Variants in NRG3 observed in about 807,000 individuals in gnomAD.
The protein encoded by NRG3 is pro-neuregulin-3, membrane-bound isoform.
NRG3 carries 31 observed loss-of-function variants against 66.9 expected under a neutral mutation model. That is an observed-to-expected ratio of 0.46 (90% CI 0.35 to 0.63). NRG3 has a LOEUF of 0.63. Among genes scored for constraint, NRG3 ranks in the 20% least tolerant of loss-of-function variants. NRG3 has a pLI of 0.00. For synonymous variants in NRG3, 393 were observed against 359.4 expected (o/e 1.09, Z -1.06); for missense variants, 910 against 878.9 (o/e 1.04, Z -0.45).
intron 1 of NRG3, among the ~76,000 whole-genome samples, chr10:82,223,838 A>G (rs993388235): frequency 1.3e-5 from 2 of 152,182 alleles, no homozygotes; most frequent in Non-Finnish European, 2.9e-5. Flanking sequence ...AAGGAAAAGG[A>G]ACCAGAATTC....
chr10:81,992,672 A>T (rs572853721), intron 1 of NRG3, among the ~76,000 whole-genome samples: 1 of 152,276 alleles, frequency 6.6e-6, no homozygotes, highest in South Asian at 2.1e-4. Context: ...CCTCTCCTTC[A>T]GAGGTCTCTC....
At chr10:82,737,379 A>G (rs2058205359) in intron 2 of NRG3, among the ~76,000 whole-genome samples, 1 of 152,226 alleles carries the variant, frequency 6.6e-6, no homozygotes, top group Non-Finnish European at 1.5e-5. Context: ...CCCTTGCAAT[A>G]GACCTTATTT....
At chr10:82,610,997 A>T (rs2048279136) in intron 2 of NRG3, among the ~76,000 whole-genome samples, 1 of 152,096 alleles carries the variant, frequency 6.6e-6, no homozygotes, top group Non-Finnish European at 1.5e-5. Context: ...CAAAATATAA[A>T]TATTTTAATG....
intron 5 of NRG3, among the ~76,000 whole-genome samples, chr10:82,956,195 T>A (rs1850032731): frequency 6.6e-6 from 1 of 151,950 alleles, no homozygotes; most frequent in Non-Finnish European, 1.5e-5. Context: ...AACTTACATC[T>A]CATTTCTTTC....
intron 2 of NRG3, among the ~76,000 whole-genome samples, chr10:82,479,841 G>A (rs1232801593): frequency 6.6e-6 from 1 of 151,598 alleles, no homozygotes; most frequent in African/African-American, 2.4e-5. Flanking sequence ...GGTGGTGGGC[G>A]CCTGCAGTCC....
At chr10:82,297,270 CATT>C (rs1322856826) in intron 1 of NRG3, among the ~76,000 whole-genome samples, 4 of 106,816 alleles carry the variant, frequency 3.7e-5, no homozygotes, top group Non-Finnish European at 7.3e-5. Flanking sequence ...TTTGATAAAA[CATT>C]TTTTTTTTTC....
intron 1 of NRG3, among the ~76,000 whole-genome samples, chr10:82,213,028 A>G (rs982397742): frequency 6.6e-6 from 1 of 152,266 alleles, no homozygotes; most frequent in East Asian, 1.9e-4. Context: ...CAGGAACAAG[A>G]AAGTTTTGGG....
chr10:81,900,229 T>C (rs1316272087), intron 1 of NRG3, among the ~76,000 whole-genome samples: 1 of 146,880 alleles, frequency 6.8e-6, no homozygotes, highest in Non-Finnish European at 1.5e-5. Context: ...ATTACAGGCA[T>C]GAGCCAATGC....
At chr10:82,430,349 C>T (rs1313298942) in intron 2 of NRG3, among the ~76,000 whole-genome samples, 1 of 152,088 alleles carries the variant, frequency 6.6e-6, no homozygotes, top group African/African-American at 2.4e-5. Flanking sequence ...GCTCTGCCTC[C>T]TGGGTTCACG....
At chr10:82,828,351 C>G (rs34131336) in intron 3 of NRG3, among the ~76,000 whole-genome samples, 1 of 152,166 alleles carries the variant, frequency 6.6e-6, no homozygotes, top group African/African-American at 2.4e-5. Context: ...TAGTCACAGG[C>G]TGAGAGAAGA....
At chr10:82,293,251 A>G (rs755212226) in intron 1 of NRG3, among the ~76,000 whole-genome samples, 1 of 152,148 alleles carries the variant, frequency 6.6e-6, no homozygotes, top group Non-Finnish European at 1.5e-5. Flanking sequence ...ACGGCAGTAT[A>G]AATACTTGGC....
At chr10:82,876,580 T>G (rs1841836881) in intron 4 of NRG3, among the ~76,000 whole-genome samples, 1 of 152,230 alleles carries the variant, frequency 6.6e-6, no homozygotes. Flanking sequence ...CAGAATAATC[T>G]GATCTTTTAG....
At chr10:82,119,236 C>G (rs1002301014) in intron 1 of NRG3, among the ~76,000 whole-genome samples, 3 of 151,954 alleles carry the variant, frequency 2.0e-5, no homozygotes, top group Non-Finnish European at 4.4e-5. Flanking sequence ...CCATATTTAC[C>G]ATGCTGTGCA....
rs2054802409 is a variant in NRG3 at position 82,690,028 on chromosome 10, AT to A, written c.954-48547del. Among the ~76,000 whole-genome samples the A allele has an allele frequency of 2.0e-5, 3 of 152,152 alleles. No homozygotes were observed. In the East Asian group the frequency reaches 5.8e-4, roughly 29 times the overall value. ...TTCCTTACTTCTTTTTGCCTTGTTG[AT>A]TCTTTCCTTGTTCATTCTATTTACC... On this transcript the variant is annotated intron_variant, in intron 2 of 8. Coordinates refer to ENST00000372141, the MANE Select transcript of NRG3 (RefSeq NM_001010848.4).
intron 1 of NRG3, among the ~76,000 whole-genome samples, chr10:81,916,538 A>G (rs1398282501): frequency 6.6e-6 from 1 of 152,208 alleles, no homozygotes; most frequent in Non-Finnish European, 1.5e-5. Context: ...GGCTTTGTGT[A>G]GCATCAGGAA....
chr10:82,159,937 T>A (rs1018686796), intron 1 of NRG3, among the ~76,000 whole-genome samples: 16 of 152,020 alleles, frequency 1.1e-4, no homozygotes, highest in Admixed American at 9.9e-4. Flanking sequence ...GAGCAAAAAA[T>A]TCAAATTTCT....
chr10:82,463,357 C>G (rs1257855425), intron 2 of NRG3, among the ~76,000 whole-genome samples: 1 of 152,106 alleles, frequency 6.6e-6, no homozygotes, highest in Non-Finnish European at 1.5e-5. Context: ...TAGTCAAGAG[C>G]AGTGAGCAAA....
intron 1 of NRG3, among the ~76,000 whole-genome samples, chr10:82,205,878 C>A (rs1002872123): frequency 6.6e-6 from 1 of 152,188 alleles, no homozygotes; most frequent in Non-Finnish European, 1.5e-5. Flanking sequence ...TTGTTAGGAT[C>A]ACATTTCATT....
intron 1 of NRG3, among the ~76,000 whole-genome samples, chr10:81,892,670 A>C (rs1192161996): frequency 6.6e-6 from 1 of 152,136 alleles, no homozygotes; most frequent in Non-Finnish European, 1.5e-5. Context: ...GAGACTGAGA[A>C]GGGTAGTGAG....
Sources: allele counts gnomAD v4.1 joint callset (sites outside exome capture counted in the v4.1 genomes callset), GRCh38; gene constraint gnomAD v4.1.1; transcripts MANE v1.5; gene names NCBI Gene and HGNC (gene_info 2026-07-23, HGNC 2026-07-21).